The following ADAMTSL1 variants were observed in gnomAD, a reference collection of about 807,000 sequenced individuals.
ADAMTSL1 encodes ADAMTS like 1.
Under a neutral mutation model 201.8 loss-of-function variants are expected in ADAMTSL1, and 126 were observed. The ratio of observed to expected loss-of-function variants is 0.62; its 90% CI spans 0.54 to 0.72. The LOEUF (loss-of-function observed/expected upper bound fraction) is 0.72. ADAMTSL1 is among the 30% of genes least tolerant of loss of function. The probability of loss-of-function intolerance (pLI) is 0.00; values close to 1 mark genes in which losing one functional copy is unlikely to be tolerated. For missense variants in ADAMTSL1, 2,679 were observed against 2,277.8 expected, an observed-to-expected ratio of 1.18 and a Z score of -3.59; for synonymous variants, 1,121 against 903.4, an observed-to-expected ratio of 1.24 and a Z score of -4.32.
At chr9:18,303,224 A>C (rs1241063685) in intron 2 of ADAMTSL1, among the ~76,000 whole-genome samples, 5 of 152,210 alleles carry the variant, frequency 3.3e-5, no homozygotes, top group Non-Finnish European at 7.3e-5. Context: ...AAAGTAAGAG[A>C]CCAAAGATAC....
chr9:18,374,325 A>AT (rs970729309), intron 2 of ADAMTSL1, among the ~76,000 whole-genome samples: 19 of 151,226 alleles, frequency 1.3e-4, no homozygotes, highest in Non-Finnish European at 1.3e-4. Flanking sequence ...TATTTATTTA[A>AT]TTTTTTTTAA....
intron 28 of ADAMTSL1, chr9:18,907,126 A>C: frequency 1.8e-6 from 1 of 560,380 alleles, no homozygotes; most frequent in African/African-American, 1.9e-5. Context: ...GGCTTCCATG[A>C]TCTCCATCCT....
chr9:18,578,465 A>C (rs140229466), intron 4 of ADAMTSL1, among the ~76,000 whole-genome samples: 154 of 152,156 alleles, frequency 1.0e-3, no homozygotes, highest in Non-Finnish European at 1.8e-3. Context: ...TGAGCTAGGG[A>C]GGCAATTTGT....
At chr9:17,971,841 A>C (rs1818218089) in intron 1 of ADAMTSL1, among the ~76,000 whole-genome samples, 1 of 151,964 alleles carries the variant, frequency 6.6e-6, no homozygotes, top group African/African-American at 2.4e-5. Context: ...GAAAAAGACA[A>C]CTTAAAGCAT....
chr9:18,718,001 C>G lies in ADAMTSL1; in HGVS notation c.1877-3535C>G, dbSNP rs948428584. On this transcript the variant is annotated intron_variant, in intron 14 of 28. Coordinates refer to ENST00000380548, the MANE Select transcript of ADAMTSL1 (RefSeq NM_001040272.6). ...AAGCAGCTGACATGATGACTTTTTG[C>G]GAGCCTTCCCAGGCACTGGAGTTTT... The G allele has an allele frequency of 2.8e-5, 45 of 1,591,668 alleles. No individual in the cohort carries two copies. The Admixed American group carries it at 7.5e-4, about 27-fold the overall frequency.
chr9:18,574,010 T>G lies in ADAMTSL1; in HGVS notation c.238-20T>G. ...GTATCCTCCTAACCTTTGTATGTCC[T>G]TTCTCTCTTTTTTCTCCAGGACTGC... On this transcript the variant is annotated intron_variant, in intron 3 of 28. Coordinates refer to ENST00000380548, the MANE Select transcript of ADAMTSL1 (RefSeq NM_001040272.6). 6.2e-7 allele frequency: 1 copy of G among 1,604,388 alleles called. No homozygotes were observed. The highest frequency in any genetic ancestry group is 1.1e-5 in the South Asian group (1 of 90,556).
At chr9:18,814,204 A>G (rs565898386) in intron 20 of ADAMTSL1, among the ~76,000 whole-genome samples, 1 of 152,318 alleles carries the variant, frequency 6.6e-6, no homozygotes, top group South Asian at 2.1e-4. Context: ...TGATCTGCGT[A>G]TGTTGAACCA....
At chr9:18,776,751 T>C (rs1821028835) in intron 18 of ADAMTSL1, 30 bp from the exon 19 acceptor site, 3 of 1,517,164 alleles carry the variant, frequency 2.0e-6, no homozygotes, top group Non-Finnish European at 1.8e-6. Context: ...CACCTCTTTC[T>C]CTGTCCCTTC....
At chr9:18,591,843 C>T (rs1482741311) in intron 4 of ADAMTSL1, among the ~76,000 whole-genome samples, 1 of 152,164 alleles carries the variant, frequency 6.6e-6, no homozygotes, top group Non-Finnish European at 1.5e-5. Context: ...TTTCTGCATC[C>T]TGCTGGTTGT....
intron 6 of ADAMTSL1, among the ~76,000 whole-genome samples, chr9:18,638,717 G>C (rs968385025): frequency 2.0e-5 from 3 of 152,080 alleles, no homozygotes; most frequent in African/African-American, 7.2e-5. Flanking sequence ...GATAGTTCTT[G>C]TTCTTACATC....
intron 1 of ADAMTSL1, among the ~76,000 whole-genome samples, chr9:18,047,283 C>T (rs997448388): frequency 2.0e-5 from 3 of 151,792 alleles, no homozygotes; most frequent in African/African-American, 7.3e-5. Flanking sequence ...GGCTTTCAAC[C>T]CAGGGTAATT....
At chr9:18,413,843 C>T (rs550186042) in intron 2 of ADAMTSL1, among the ~76,000 whole-genome samples, 2 of 152,310 alleles carry the variant, frequency 1.3e-5, no homozygotes, top group South Asian at 2.1e-4. Context: ...TATGGGATTT[C>T]CAGCAGAGCT....
intron 2 of ADAMTSL1, among the ~76,000 whole-genome samples, chr9:18,450,870 C>A (rs1217239554): frequency 6.6e-6 from 1 of 152,138 alleles, no homozygotes; most frequent in South Asian, 2.1e-4. Context: ...AGTAAAATAT[C>A]CTGCTTCTAA....
intron 1 of ADAMTSL1, among the ~76,000 whole-genome samples, chr9:18,084,859 A>G (rs529781711): frequency 6.6e-6 from 1 of 152,312 alleles, no homozygotes; most frequent in South Asian, 2.1e-4. Flanking sequence ...CAAGTAAAAT[A>G]TATATCTTGT....
intron 23 of ADAMTSL1, among the ~76,000 whole-genome samples, chr9:18,872,979 A>G (rs1236653074): frequency 6.6e-6 from 1 of 152,152 alleles, no homozygotes; most frequent in Non-Finnish European, 1.5e-5. Flanking sequence ...ACATGCCAAC[A>G]TCTATTATTT....
chr9:18,502,932 TTAAA>T (rs1822918313), intron 1 of ADAMTSL1, among the ~76,000 whole-genome samples: 1 of 152,112 alleles, frequency 6.6e-6, no homozygotes, highest in Non-Finnish European at 1.5e-5. Flanking sequence ...ATAAATAATG[TTAAA>T]TAATAATAGC....
intron 3 of ADAMTSL1, among the ~76,000 whole-genome samples, chr9:18,556,914 G>C (rs1208366042): frequency 6.6e-6 from 1 of 152,018 alleles, no homozygotes; most frequent in Non-Finnish European, 1.5e-5. Context: ...TCTATGATGT[G>C]ATGAAGCTTT....
intron 4 of ADAMTSL1, 36 bp downstream of exon 4, chr9:18,574,302 A>G: frequency 6.4e-7 from 1 of 1,564,034 alleles, no homozygotes; most frequent in Non-Finnish European, 8.8e-7. Context: ...ACTTGTCCAG[A>G]GGGTTTCAAT....
At chr9:18,820,109 C>G (rs62549127) in intron 21 of ADAMTSL1, among the ~76,000 whole-genome samples, 3,900 of 152,260 alleles carry the variant, frequency 0.026, 155 homozygotes, top group African/African-American at 0.088. Flanking sequence ...AATTTGCAAC[C>G]CAGATTCTCG....
Sources: gnomAD v4.1 joint callset for allele counts (sites outside exome capture counted in the v4.1 genomes callset) on GRCh38, gnomAD v4.1.1 for gene constraint, MANE v1.5 for transcripts, NCBI Gene and HGNC (gene_info 2026-07-23, HGNC 2026-07-21) for gene names.